Variants in CTBP2 observed in about 807,000 individuals in gnomAD.
CTBP2 encodes the protein C-terminal binding protein 2, also known as C-terminal-binding protein 2.
Under a neutral mutation model 80.3 loss-of-function variants are expected in CTBP2, and 30 were observed. The ratio of observed to expected loss-of-function variants is 0.37; its 90% CI spans 0.28 to 0.51. CTBP2 has a LOEUF of 0.51. Ranked by LOEUF, CTBP2 falls within the 20% of genes least tolerant of loss-of-function variation. CTBP2 has a pLI of 0.93. For missense variants in CTBP2, 1,212 were observed against 1,375.3 expected (o/e 0.88, Z 1.88); for synonymous variants, 594 against 587.4 (o/e 1.01, Z -0.16).
intron 1 of CTBP2, among the ~76,000 whole-genome samples, chr10:125,005,016 A>G (rs1955042512): frequency 6.6e-6 from 1 of 152,140 alleles, no homozygotes; most frequent in African/African-American, 2.4e-5. Flanking sequence ...CTGCTGGACC[A>G]CCAAGGCTCA....
chr10:125,101,705 A>G (rs1850651126), intron 2 of CTBP2, among the ~76,000 whole-genome samples: 3 of 152,200 alleles, frequency 2.0e-5, no homozygotes, highest in Admixed American at 6.5e-5. Flanking sequence ...CGAAATGTTC[A>G]TTGCAACATA....
intron 2 of CTBP2, among the ~76,000 whole-genome samples, chr10:125,049,989 T>C (rs1305628053): frequency 1.3e-5 from 2 of 152,206 alleles, no homozygotes; most frequent in Non-Finnish European, 2.9e-5. Flanking sequence ...AGGACACCAG[T>C]AGTTTGGGCA....
At chr10:125,016,153 C>T (rs1956458196) in intron 1 of CTBP2, among the ~76,000 whole-genome samples, 1 of 152,214 alleles carries the variant, frequency 6.6e-6, no homozygotes, top group African/African-American at 2.4e-5. Context: ...TGAGGAAGGC[C>T]ATGAGGCCCC....
intron 2 of CTBP2, among the ~76,000 whole-genome samples, chr10:125,040,761 A>G (rs1959480505): frequency 6.6e-6 from 1 of 152,242 alleles, no homozygotes; most frequent in South Asian, 2.1e-4. Flanking sequence ...CTTTATCAAA[A>G]GGTCAGACTG....
At chr10:125,081,993 CA>C (rs1847242301) in intron 2 of CTBP2, among the ~76,000 whole-genome samples, 1 of 152,088 alleles carries the variant, frequency 6.6e-6, no homozygotes, top group South Asian at 2.1e-4. Flanking sequence ...CAGCGCTGCC[CA>C]GGGGCAGGCT....
intron 1 of CTBP2, among the ~76,000 whole-genome samples, chr10:125,142,771 G>A (rs1447475786): frequency 1.3e-5 from 2 of 152,100 alleles, no homozygotes; most frequent in African/African-American, 4.8e-5. Context: ...CACCCCACCA[G>A]GCTTCCTTGA....
At chr10:125,039,147 C>A (rs1274383294) in exon 3 of CTBP2, 5 of 1,048,466 alleles carry the variant, frequency 4.8e-6, no homozygotes, top group Non-Finnish European at 7.1e-6. Flanking sequence ...CATGACGCCA[C>A]TATGAACCCT....
In CTBP2 at chr10:124,985,050, A is replaced by AGT; in HGVS notation, c.*4466_*4467dup. 7.4e-7 allele frequency: 1 copy of AGT among 1,350,456 alleles called. No individual in the cohort carries two copies. Among genetic ancestry groups the AGT allele is most frequent in the Admixed American group, 2.0e-5 (1 of 49,602 alleles). The allele number at this position is 1,350,456 out of a possible 1,614,324, so 83.7% of individuals were successfully genotyped here. On this transcript the variant is annotated 3_prime_UTR_variant, in exon 9 of 9. Transcript: ENST00000309035. ...TCAGATCTGTAATGACCCTAAAGTT[A>AGT]GTGTGGTGCTCCAAGCAGAGTCGAC...
At chr10:125,060,474 G>A (rs1964748393) in intron 2 of CTBP2, among the ~76,000 whole-genome samples, 1 of 137,728 alleles carries the variant, frequency 7.3e-6, no homozygotes, top group Non-Finnish European at 1.7e-5. Flanking sequence ...GTGTGTGTGT[G>A]TGTGTGTGTG....
intron 1 of CTBP2, among the ~76,000 whole-genome samples, chr10:125,122,483 G>A (rs1472947739): frequency 1.3e-5 from 2 of 152,186 alleles, no homozygotes; most frequent in African/African-American, 4.8e-5. Flanking sequence ...AAGAAACCAT[G>A]CCAGCACAGC....
intron 1 of CTBP2, among the ~76,000 whole-genome samples, chr10:125,023,375 T>C (rs1475463486): frequency 1.7e-4 from 26 of 152,234 alleles, no homozygotes; most frequent in Admixed American, 1.5e-3. Context: ...GACAAAGATA[T>C]GAAAATGGCC....
chr10:125,078,520 T>G (rs1846649653), intron 2 of CTBP2, among the ~76,000 whole-genome samples: 1 of 152,116 alleles, frequency 6.6e-6, no homozygotes, highest in South Asian at 2.1e-4. Context: ...ACAGCCTTTT[T>G]TTTTTTTTAA....
At chr10:124,994,008 G>C in intron 5 of CTBP2, 23 bp from the exon 8 acceptor site, 1 of 1,613,402 alleles carries the variant, frequency 6.2e-7, no homozygotes, top group South Asian at 1.1e-5. Context: ...AGAAAAGCCG[G>C]TTACAGGCAC....
intron 2 of CTBP2, among the ~76,000 whole-genome samples, chr10:125,050,856 G>A (rs187237726): frequency 6.6e-6 from 1 of 152,196 alleles, no homozygotes; most frequent in Non-Finnish European, 1.5e-5. Flanking sequence ...CTCCTGATGA[G>A]AATCTTCTAG....
intron 2 of CTBP2, among the ~76,000 whole-genome samples, chr10:125,051,231 G>C (rs530985375): frequency 6.6e-6 from 1 of 152,216 alleles, no homozygotes. Flanking sequence ...GGTACATGGA[G>C]ACCCTTAGGG....
intron 8 of CTBP2, 114 bp from the exon 11 acceptor site, chr10:124,989,812 G>T: frequency 9.5e-7 from 1 of 1,053,756 alleles, no homozygotes. Context: ...CATGAACATG[G>T]CTCACCTTGA....
chr10:124,996,707 C>T (rs1054185716), intron 4 of CTBP2: 1 of 152,154 alleles, frequency 6.6e-6, no homozygotes, highest in African/African-American at 2.4e-5. Context: ...TGACCACCCC[C>T]AGGCTCTGCA....
At chr10:125,106,290 C>T (rs1421225569) in intron 2 of CTBP2, among the ~76,000 whole-genome samples, 1 of 152,212 alleles carries the variant, frequency 6.6e-6, no homozygotes, top group Non-Finnish European at 1.5e-5. Context: ...CCTGAGAAAG[C>T]TTCCAGGAAT....
At chr10:125,074,659 C>T (rs79693773) in intron 2 of CTBP2, among the ~76,000 whole-genome samples, 13,938 of 152,320 alleles carry the variant, frequency 0.092, 666 homozygotes, top group Middle Eastern at 0.17. Context: ...CTGTCCTTTT[C>T]ACATTGAAGT....
Sources: allele counts gnomAD v4.1 joint callset (sites outside exome capture counted in the v4.1 genomes callset), GRCh38; gene constraint gnomAD v4.1.1; transcripts MANE v1.5; gene names NCBI Gene and HGNC (gene_info 2026-07-23, HGNC 2026-07-21).